EIF5A2: variants seen among roughly 807,000 people sequenced by gnomAD.
EIF5A2 encodes eukaryotic translation initiation factor 5A2.
In EIF5A2, 15 loss-of-function variants were observed where a neutral mutation model predicts 16.4. That is an observed-to-expected ratio of 0.92 (90% CI 0.61 to 1.41). The LOEUF (loss-of-function observed/expected upper bound fraction) is 1.41, where lower values mean the gene tolerates loss of function less well. EIF5A2 is among the 40% of genes most tolerant of loss of function. The pLI is 0.00. For missense variants in EIF5A2, 144 were observed against 189.5 expected, an observed-to-expected ratio of 0.76 and a Z score of 1.41; for synonymous variants, 48 against 61.1, an observed-to-expected ratio of 0.79 and a Z score of 1.00.
At chr3:170,900,565 A>G (rs1245868885) in intron 3 of EIF5A2, among the ~76,000 whole-genome samples, 3 of 152,176 alleles carry the variant, frequency 2.0e-5, no homozygotes, top group Admixed American at 2.0e-4. Context: ...GCTAACTTGA[A>G]TAAGCTCCCA....
At chr3:170,902,352 T>C (rs1230643277) in intron 3 of EIF5A2, among the ~76,000 whole-genome samples, 1 of 151,460 alleles carries the variant, frequency 6.6e-6, no homozygotes, top group African/African-American at 2.4e-5. Context: ...GAACCAGAAG[T>C]GTGGATTTGC....
intron 3 of EIF5A2, 97 bp from the exon 4 acceptor site, chr3:170,894,520 A>G: frequency 1.0e-6 from 1 of 966,432 alleles, no homozygotes; most frequent in East Asian, 2.7e-5. Flanking sequence ...AATTCATATA[A>G]GTATACAGTA....
intron 4 of EIF5A2, among the ~76,000 whole-genome samples, chr3:170,894,030 CAAA>C (rs200594446): frequency 1.9e-5 from 2 of 106,898 alleles, no homozygotes; most frequent in African/African-American, 3.7e-5. Context: ...GACTCCGTCT[CAAA>C]AAAAAAAAAA....
chr3:170,905,648 G>T (rs1412048595), intron 3 of EIF5A2, among the ~76,000 whole-genome samples: 2 of 152,122 alleles, frequency 1.3e-5, no homozygotes, highest in African/African-American at 4.8e-5. Flanking sequence ...CCACATCAAA[G>T]TTGGTGCTCC....
rs562602149 is a variant in EIF5A2, at chr3:170,895,137, A to G, written c.271-714T>C. Among the ~76,000 whole-genome samples, 14 of 152,140 alleles carry G rather than the reference A, an allele frequency of 9.2e-5. No individual in the cohort carries two copies. The South Asian group carries it at 2.9e-3, about 31-fold the overall frequency. ...TAAGCAGAAAATGTAAACCTACCTTAGTTAACTACCACATATCTGCATGGA... is the reference window on the plus strand; with the variant it reads ...TAAGCAGAAAATGTAAACCTACCTTGGTTAACTACCACATATCTGCATGGA... On this transcript the variant is annotated intron_variant, in intron 3 of 4. Transcript: ENST00000295822.
At chr3:170,908,153 C>T (rs1408918980) in intron 1 of EIF5A2, among the ~76,000 whole-genome samples, 2 of 152,212 alleles carry the variant, frequency 1.3e-5, no homozygotes, top group African/African-American at 4.8e-5. Context: ...GACCTTCCCC[C>T]GCCGCCCAGC....
At position 170,906,421 on chromosome 3, in the gene EIF5A2, G is replaced by A. The variant is rs564064382; in HGVS notation, c.270+568C>T. ...CAAAAGGTCATAGCATGGTCACTAAGTATAATTTAACCAATTATATAGTTT... is the reference window on the plus strand; with the variant it reads ...CAAAAGGTCATAGCATGGTCACTAAATATAATTTAACCAATTATATAGTTT... On this transcript the variant is annotated intron_variant, in intron 3 of 4. Transcript: ENST00000295822. Among the ~76,000 whole-genome samples the A allele has an allele frequency of 1.8e-4, 27 of 152,248 alleles. No individual in the cohort carries two copies. In the South Asian group the frequency reaches 5.6e-3, roughly 32 times the overall value.
chr3:170,892,654 CCT>C lies in EIF5A2; in HGVS notation c.*704_*705del, dbSNP rs1712564524. The C allele has an allele frequency of 7.5e-6, 3 of 397,412 alleles. No individual in the cohort carries two copies. Among genetic ancestry groups the C allele is most frequent in the Non-Finnish European group, 1.3e-5 (3 of 225,690 alleles). 24.6% of individuals were successfully genotyped at this position (397,412 alleles called of 1,614,324 possible). A position where few individuals can be genotyped will look rare whatever the true frequency, so the allele number is the denominator to read the frequency against. On this transcript the variant is annotated 3_prime_UTR_variant, in exon 5 of 5. Transcript: ENST00000295822. ...ATAAAAACTTATAGATTTAATCAAC[CCT>C]CTTTGCCACTGTCTTTTGTGTCTTC...
chr3:170,892,810 C>T lies in EIF5A2; in HGVS notation c.*550G>A. 1 of 398,902 alleles carries T rather than the reference C, an allele frequency of 2.5e-6. No homozygotes were observed. Among genetic ancestry groups the T allele is most frequent in the Non-Finnish European group, 4.4e-6 (1 of 226,130 alleles). The allele number at this position is 398,902 out of a possible 1,614,324, so 24.7% of individuals were successfully genotyped here. ...CCAACAATTTGGTAAATAGTATGAC[C>T]AAAGTAATCACATGGTTGCATGTGG... On this transcript the variant is annotated 3_prime_UTR_variant, in exon 5 of 5. Transcript: ENST00000295822.
chr3:170,903,777 C>A (rs1389346117), intron 3 of EIF5A2, among the ~76,000 whole-genome samples: 1 of 152,136 alleles, frequency 6.6e-6, no homozygotes, highest in Non-Finnish European at 1.5e-5. Context: ...AAATGATATA[C>A]TACTTATTTG....
At position 170,907,933 on chromosome 3, in the gene EIF5A2, G is replaced by A. The variant is rs1712982658; in HGVS notation, c.-35-92C>T. The A allele has an allele frequency of 6.0e-6, 6 of 1,007,576 alleles. No individual in the cohort carries two copies. In the South Asian group the frequency reaches 9.3e-5, roughly 16 times the overall value. 62.4% of individuals were successfully genotyped at this position (1,007,576 alleles called of 1,614,324 possible). On this transcript the variant is annotated intron_variant, in intron 1 of 4. Coordinates refer to ENST00000295822, the MANE Select transcript of EIF5A2 (RefSeq NM_020390.6). ...ACAAGTTATGTGCCAAGCATCATGG[G>A]CCCGTTATTTCTGCATGTAAGGAAC... is the stretch of plus-strand genomic sequence containing the variant.
rs912005712 is a variant in EIF5A2 at position 170,890,049 on chromosome 3, A to G, written c.*3311T>C. On this transcript the variant is annotated 3_prime_UTR_variant, in exon 5 of 5. Coordinates refer to ENST00000295822, the MANE Select transcript of EIF5A2 (RefSeq NM_020390.6). ...ATTTTCAGGCAATTAGCTTTAAAAT[A>G]ATGAAATTTCAGCTTTTAGCACAAA... The G allele has an allele frequency of 1.3e-5, 2 of 152,586 alleles. No homozygotes were observed. The highest frequency in any genetic ancestry group is 2.1e-4 in the South Asian group (1 of 4,838). The allele number at this position is 152,586 out of a possible 1,614,324, so 9.5% of individuals were successfully genotyped here.
At chr3:170,908,260 C>A (rs1712993382) in intron 1 of EIF5A2, among the ~76,000 whole-genome samples, 1 of 152,214 alleles carries the variant, frequency 6.6e-6, no homozygotes, top group Admixed American at 6.5e-5. Context: ...CAGCAGCACC[C>A]GGCCCTCTGC....
chr3:170,907,593 A>G, intron 2 of EIF5A2, 49 bp downstream of exon 2: 5 of 1,491,152 alleles, frequency 3.4e-6, no homozygotes, highest in Non-Finnish European at 4.5e-6. Context: ...AATACAAATG[A>G]TCAAAGTCCC....
At chr3:170,907,906 G>A in intron 1 of EIF5A2, 65 bp from the exon 2 acceptor site, 5 of 1,290,926 alleles carry the variant, frequency 3.9e-6, no homozygotes, top group Middle Eastern at 2.8e-4. Flanking sequence ...GTCTCATTTC[G>A]GACAAGTTAT....
intron 3 of EIF5A2, among the ~76,000 whole-genome samples, chr3:170,898,572 G>T (rs921174713): frequency 5.3e-5 from 8 of 152,162 alleles, no homozygotes; most frequent in East Asian, 1.9e-4. Context: ...CTCCATGATT[G>T]TAAGTTTCCT....
intron 1 of EIF5A2, 36 bp from the exon 2 acceptor site, chr3:170,907,877 G>T: frequency 1.4e-6 from 2 of 1,423,900 alleles, no homozygotes; most frequent in Non-Finnish European, 1.9e-6. Context: ...TTTAACAACG[G>T]GTATGTAGGC....
At chr3:170,901,546 T>C (rs1259689684) in intron 3 of EIF5A2, among the ~76,000 whole-genome samples, 1 of 150,840 alleles carries the variant, frequency 6.6e-6, no homozygotes, top group Non-Finnish European at 1.5e-5. Flanking sequence ...AGGTATATTA[T>C]CCCTACAGGT....
intron 3 of EIF5A2, among the ~76,000 whole-genome samples, chr3:170,905,097 T>G (rs1712904554): frequency 1.3e-5 from 2 of 152,220 alleles, no homozygotes; most frequent in Admixed American, 1.3e-4. Context: ...CAAAAAAACC[T>G]CAGTGATCAG....
Sources: allele counts gnomAD v4.1 joint callset (sites outside exome capture counted in the v4.1 genomes callset), GRCh38; gene constraint gnomAD v4.1.1; transcripts MANE v1.5; gene names NCBI Gene and HGNC (gene_info 2026-07-23, HGNC 2026-07-21).